Variants in ADGRG2 observed in about 807,000 individuals in gnomAD.
The protein encoded by ADGRG2 is adhesion G protein-coupled receptor G2, also known as G protein-coupled receptor 64.
In ADGRG2, 26 loss-of-function variants were observed where a neutral mutation model predicts 74.1. That is an observed-to-expected ratio of 0.35 (90% CI 0.26 to 0.49). The LOEUF is 0.49. Among genes scored for constraint, ADGRG2 ranks in the 20% least tolerant of loss-of-function variants. The probability of loss-of-function intolerance (pLI) is 0.99; values close to 1 mark genes in which losing one functional copy is unlikely to be tolerated. For missense variants in ADGRG2, 619 were observed against 763.1 expected (o/e 0.81, Z 2.22); for synonymous variants, 296 against 295.2 (o/e 1.00, Z -0.03).
At chrX:18,993,514 C>T (rs2059960317) in intron 28 of ADGRG2, among the ~76,000 whole-genome samples, 2 of 103,410 alleles carry the variant, frequency 1.9e-5, no homozygotes, top group Non-Finnish European at 3.9e-5. Flanking sequence ...AAGACTGCAT[C>T]TTAAAAAAAA....
At chrX:19,019,115 G>C (rs993616752) in intron 15 of ADGRG2, among the ~76,000 whole-genome samples, 1 of 112,310 alleles carries the variant, frequency 8.9e-6, no homozygotes, top group Non-Finnish European at 1.9e-5. Flanking sequence ...AAAGTGCTGG[G>C]ATTACAGGCG....
At position 19,019,576 on chromosome X, in the gene ADGRG2, G is replaced by A. The variant is rs371705026; in HGVS notation, c.710+23C>T. 25 of 846,340 alleles carry A rather than the reference G, an allele frequency of 3.0e-5. No individual in the cohort carries two copies. In the East Asian group the frequency reaches 7.6e-4, roughly 26 times the overall value. 69.7% of individuals were successfully genotyped at this position (846,340 alleles called of 1,213,427 possible). A position where few individuals can be genotyped will look rare whatever the true frequency, so the allele number is the denominator to read the frequency against. Reference sequence around the variant, plus strand: ...TTTTTTTTTTTTTTTTTAAGGAGAAGGGTCAGCATGTTTGTTACATACCAC... The same window carrying A: ...TTTTTTTTTTTTTTTTTAAGGAGAAAGGTCAGCATGTTTGTTACATACCAC... On this transcript the variant is annotated intron_variant, in intron 15 of 28. Transcript: ENST00000379869.
chrX:19,112,650 TAAA>T (rs762788075), intron 1 of ADGRG2, among the ~76,000 whole-genome samples: 1 of 86,235 alleles, frequency 1.2e-5, no homozygotes. Context: ...AATGTTCTAT[TAAA>T]AAAAAAAAAA....
At chrX:19,074,827 T>C (rs1207392759) in intron 2 of ADGRG2, among the ~76,000 whole-genome samples, 1 of 109,707 alleles carries the variant, frequency 9.1e-6, no homozygotes, top group African/African-American at 3.3e-5. Context: ...CGGCTCGGCC[T>C]CCCAAAGTGC....
chrX:19,055,362 C>T (rs2061395387), intron 3 of ADGRG2, among the ~76,000 whole-genome samples: 1 of 112,173 alleles, frequency 8.9e-6, no homozygotes, highest in Non-Finnish European at 1.9e-5. Flanking sequence ...GAGATAGAAA[C>T]CTTCTGAAGC....
intron 1 of ADGRG2, among the ~76,000 whole-genome samples, chrX:19,117,293 C>CAA (rs59752356): frequency 1.3e-5 from 1 of 79,800 alleles, no homozygotes; most frequent in Non-Finnish European, 2.5e-5. Context: ...GACTCTGTCT[C>CAA]AAAAAAAAAA....
chrX:19,075,288 T>C (rs1389140539), intron 2 of ADGRG2, among the ~76,000 whole-genome samples: 2 of 105,329 alleles, frequency 1.9e-5, no homozygotes, highest in Non-Finnish European at 3.9e-5. Flanking sequence ...ATCTGAAAAA[T>C]TGTCAGAAAT....
chrX:19,012,089 GCCC>G, intron 16 of ADGRG2, among the ~76,000 whole-genome samples: 1 of 111,996 alleles, frequency 8.9e-6, no homozygotes, highest in Non-Finnish European at 1.9e-5. Flanking sequence ...ACTTGAAAAT[GCCC>G]CCAAGTTTCT....
intron 1 of ADGRG2, among the ~76,000 whole-genome samples, chrX:19,093,899 G>GTA (rs1193228435): frequency 2.4e-5 from 2 of 84,170 alleles, no homozygotes; most frequent in Non-Finnish European, 4.4e-5. Context: ...TGGTATGTAG[G>GTA]TATACACACA....
chrX:19,055,292 G>A (rs868447991), intron 3 of ADGRG2, among the ~76,000 whole-genome samples: 4 of 111,431 alleles, frequency 3.6e-5, no homozygotes, highest in South Asian at 3.8e-4. Context: ...GTGTGCGCGC[G>A]CACGCGCGTG....
intron 26 of ADGRG2, among the ~76,000 whole-genome samples, chrX:18,998,639 G>C (rs1709959407): frequency 1.1e-5 from 1 of 89,352 alleles, no homozygotes; most frequent in African/African-American, 4.3e-5. Context: ...ATTGAAGGTT[G>C]TGGCAGCCCT....
Position 19,077,334 on chromosome X carries a change from TAAAA to T in ADGRG2, c.-2+5364_-2+5367del, listed in dbSNP as rs34976230. On this transcript the variant is annotated intron_variant, in intron 2 of 28. Transcript: ENST00000379869. Reference sequence around the variant, plus strand: ...CAACATGATGAAACTCTGTCTCTACTAAAAAAAAAAAAAAAAAAAAAAAAAAAAA... The same window carrying T: ...CAACATGATGAAACTCTGTCTCTACTAAAAAAAAAAAAAAAAAAAAAAAAA... Among the ~76,000 whole-genome samples, 145 of 38,619 alleles carry T rather than the reference TAAAA, an allele frequency of 3.8e-3. 1 individual carries two copies. Among genetic ancestry groups the T allele is most frequent in the African/African-American group, 0.015 (116 of 7,708 alleles). The allele number at this position is 38,619 out of a possible 115,157, so 33.5% of individuals were successfully genotyped here. A position where few individuals can be genotyped will look rare whatever the true frequency, so the allele number is the denominator to read the frequency against.
At chrX:19,082,065 C>A (rs1275556019) in intron 2 of ADGRG2, among the ~76,000 whole-genome samples, 48 of 66,951 alleles carry the variant, frequency 7.2e-4, no homozygotes, top group African/African-American at 3.2e-3. Context: ...AGAGGGAGAC[C>A]CTGTCTCAAA....
intron 9 of ADGRG2, among the ~76,000 whole-genome samples, chrX:19,029,290 T>TTAAAAA (rs1417618257): frequency 1.8e-5 from 2 of 112,260 alleles, no homozygotes; most frequent in Non-Finnish European, 3.8e-5. Flanking sequence ...TTTAAAAATC[T>TTAAAAA]TAGCTTTTAA....
chrX:19,106,928 A>G (rs189327092), intron 1 of ADGRG2, among the ~76,000 whole-genome samples: 21 of 110,147 alleles, frequency 1.9e-4, no homozygotes, highest in Non-Finnish European at 3.0e-4. Flanking sequence ...TCAAAAAAAA[A>G]AGAAGAGCCC....
chrX:19,004,654 G>T, intron 23 of ADGRG2, 104 bp downstream of exon 23: 1 of 750,593 alleles, frequency 1.3e-6, no homozygotes, highest in Non-Finnish European at 2.0e-6. Context: ...CACTAGCTGG[G>T]TGTACAGGGT....
intron 1 of ADGRG2, among the ~76,000 whole-genome samples, chrX:19,108,887 C>CAATAA (rs1330324084): frequency 9.0e-6 from 1 of 110,981 alleles, no homozygotes; most frequent in Non-Finnish European, 1.9e-5. Flanking sequence ...ATTTGTACTT[C>CAATAA]AATAAAAGTT....
At chrX:19,057,339 C>A (rs1662371566) in intron 3 of ADGRG2, among the ~76,000 whole-genome samples, 1 of 111,619 alleles carries the variant, frequency 9.0e-6, no homozygotes. Flanking sequence ...GAAGGCACCT[C>A]CTACAAAGAT....
At chrX:19,109,948 T>A (rs887689339) in intron 1 of ADGRG2, among the ~76,000 whole-genome samples, 1 of 111,523 alleles carries the variant, frequency 9.0e-6, no homozygotes, top group Non-Finnish European at 1.9e-5. Context: ...AATATGAATC[T>A]CTTTATCAGA....
Sources: gnomAD v4.1 joint callset for allele counts (sites outside exome capture counted in the v4.1 genomes callset) on GRCh38, gnomAD v4.1.1 for gene constraint, MANE v1.5 for transcripts, NCBI Gene and HGNC (gene_info 2026-07-23, HGNC 2026-07-21) for gene names.